The following TSNARE1 variants were observed in gnomAD, a reference collection of about 807,000 sequenced individuals.
TSNARE1 encodes t-SNARE domain-containing protein 1.
In TSNARE1, 49 loss-of-function variants were observed where a neutral mutation model predicts 62.0. The ratio of observed to expected loss-of-function variants is 0.79; its 90% CI spans 0.63 to 1.00. TSNARE1 has a LOEUF of 1.00. Ranked by LOEUF, TSNARE1 falls within the 50% of genes least tolerant of loss-of-function variation. TSNARE1 has a pLI of 0.00. For synonymous variants in TSNARE1, 328 were observed against 294.4 expected, an observed-to-expected ratio of 1.11 and a Z score of -1.17; for missense variants, 755 against 700.1, an observed-to-expected ratio of 1.08 and a Z score of -0.88.
intron 11 of TSNARE1, chr8:142,276,012 C>A: frequency 1.0e-6 from 1 of 985,442 alleles, no homozygotes; most frequent in South Asian, 4.7e-5. Context: ...CAGAAGCCCC[C>A]ACCCAGGCCT....
chr8:142,257,337 C>A (rs1331274792), intron 12 of TSNARE1, among the ~76,000 whole-genome samples: 2 of 152,178 alleles, frequency 1.3e-5, no homozygotes, highest in South Asian at 2.1e-4. Flanking sequence ...TCAGGAGGGG[C>A]CTGCGGAGGG....
chr8:142,238,596 C>G (rs1412357537), intron 12 of TSNARE1, among the ~76,000 whole-genome samples: 2 of 151,946 alleles, frequency 1.3e-5, no homozygotes, highest in African/African-American at 4.8e-5. Context: ...CCCCATTTCT[C>G]CCCTCCACGC....
chr8:142,357,059 C>T lies in TSNARE1; in HGVS notation c.-39-2296G>A, dbSNP rs1316065225. On this transcript the variant is annotated intron_variant, in intron 1 of 13. Coordinates refer to ENST00000524325, the MANE Select transcript of TSNARE1 (RefSeq NM_145003.5). Reference sequence around the variant, plus strand: ...GCGGGGGCCTCCAGAAACCAGAGCACGAAGACACCGCAGAGTCAGAGGAAA... The same window carrying T: ...GCGGGGGCCTCCAGAAACCAGAGCATGAAGACACCGCAGAGTCAGAGGAAA... Among the ~76,000 whole-genome samples, 4 of 152,000 alleles carry T rather than the reference C, an allele frequency of 2.6e-5. No homozygotes were observed. The East Asian group carries it at 5.8e-4, about 22-fold the overall frequency.
chr8:142,316,374 C>T (rs1828528937), intron 7 of TSNARE1, among the ~76,000 whole-genome samples: 1 of 151,798 alleles, frequency 6.6e-6, no homozygotes, highest in Non-Finnish European at 1.5e-5. Context: ...CACAAAGCTC[C>T]CAGTGTTCCT....
chr8:142,391,207 G>A (rs1484204025), intron 1 of TSNARE1, among the ~76,000 whole-genome samples: 1 of 142,736 alleles, frequency 7.0e-6, no homozygotes, highest in Admixed American at 7.0e-5. Flanking sequence ...TGTAACAGAC[G>A]CTGTACACTG....
At chr8:142,313,575 G>A (rs1257757441) in intron 9 of TSNARE1, among the ~76,000 whole-genome samples, 2 of 152,048 alleles carry the variant, frequency 1.3e-5, no homozygotes, top group Non-Finnish European at 1.5e-5. Context: ...CTGCGCATCT[G>A]TGTTTATCTG....
intron 9 of TSNARE1, among the ~76,000 whole-genome samples, chr8:142,304,199 G>A (rs1826262649): frequency 6.6e-6 from 1 of 152,272 alleles, no homozygotes; most frequent in Non-Finnish European, 1.5e-5. Context: ...CCTTCCTGGA[G>A]TGGGCGGGAG....
intron 11 of TSNARE1, chr8:142,277,414 C>T (rs191166815): frequency 1.0e-5 from 10 of 985,436 alleles, no homozygotes; most frequent in African/African-American, 3.5e-5. Flanking sequence ...TGGGTCAACT[C>T]GCTGCCCCCA....
At chr8:142,280,546 G>A (rs531713794) in intron 11 of TSNARE1, among the ~76,000 whole-genome samples, 51 of 152,244 alleles carry the variant, frequency 3.3e-4, no homozygotes, top group Non-Finnish European at 5.4e-4. Flanking sequence ...TGCCCTCCCC[G>A]GAGCCCTGAC....
At position 142,344,416 on chromosome 8, in the gene TSNARE1, T is replaced by G; in HGVS notation, c.295A>C (p.Ile99Leu). The stretch of plus-strand genomic sequence containing the variant: ...GCAGCCGAGTCCTTCCTCGGGCCAA[T>G]GGTGGGTGATGAGGTGGGCTCCGGC... ...RMPEPTSSPT[I>L]GPRKDSAAGP... Residue 99 changes from isoleucine to leucine, a missense_variant, in exon 4 of 14, where the codon ATT (isoleucine) becomes CTT (leucine). By Grantham distance (5) the Ile-to-Leu change is conservative. Coordinates refer to ENST00000524325, the MANE Select transcript of TSNARE1 (RefSeq NM_145003.5). The G allele has an allele frequency of 6.3e-7, 1 of 1,588,472 alleles. No homozygotes were observed. The highest frequency in any genetic ancestry group is 8.6e-7 in the Non-Finnish European group (1 of 1,168,548).
intron 11 of TSNARE1, chr8:142,277,056 G>A: frequency 1.0e-6 from 1 of 985,414 alleles, no homozygotes; most frequent in Non-Finnish European, 1.2e-6. Context: ...TGGGACCTGT[G>A]GTACTGAGCG....
intron 12 of TSNARE1, among the ~76,000 whole-genome samples, chr8:142,257,481 G>A (rs1229274328): frequency 6.6e-6 from 1 of 152,066 alleles, no homozygotes. Flanking sequence ...AGGAGACTCT[G>A]GGAGCCTCCT....
chr8:142,325,445 G>A (rs1033792361), intron 6 of TSNARE1, among the ~76,000 whole-genome samples: 2 of 152,228 alleles, frequency 1.3e-5, no homozygotes, highest in African/African-American at 4.8e-5. Flanking sequence ...AGGCCAAGAG[G>A]AGACAGTGCA....
intron 1 of TSNARE1, among the ~76,000 whole-genome samples, chr8:142,358,499 G>A (rs1425274740): frequency 6.6e-6 from 1 of 151,908 alleles, no homozygotes; most frequent in Non-Finnish European, 1.5e-5. Flanking sequence ...CAGGCACATG[G>A]AGGGGAGTGA....
intron 12 of TSNARE1, among the ~76,000 whole-genome samples, chr8:142,256,402 A>ACT (rs1818574419): frequency 4.1e-5 from 5 of 122,680 alleles, no homozygotes; most frequent in Admixed American, 8.1e-5. Context: ...TACCACCAGC[A>ACT]GCAACCACCA....
chr8:142,223,279 CT>C lies in TSNARE1; in HGVS notation c.*11+6193del, dbSNP rs1563757176. ...ATTCACTCACTCACTCATTCAGTCA[CT>C]CACTCATACTCACTCAACCACTCAC... On this transcript the variant is annotated intron_variant, in intron 13 of 13. Coordinates refer to ENST00000524325, the MANE Select transcript of TSNARE1 (RefSeq NM_145003.5). Among the ~76,000 whole-genome samples the C allele has an allele frequency of 2.1e-3, 278 of 129,448 alleles. 9 individuals are homozygous for C. The highest frequency in any genetic ancestry group is 0.012 in the East Asian group (49 of 4,224). The allele number at this position is 129,448 out of a possible 152,430, so 84.9% of individuals were successfully genotyped here. A position where few individuals can be genotyped will look rare whatever the true frequency, so the allele number is the denominator to read the frequency against.
chr8:142,265,784 G>A (rs970403456), intron 12 of TSNARE1, among the ~76,000 whole-genome samples: 3 of 152,302 alleles, frequency 2.0e-5, no homozygotes, highest in Middle Eastern at 3.4e-3. Context: ...CAGTGGCATC[G>A]CGGTGTGGGC....
At chr8:142,379,402 C>A (rs1445177042) in intron 1 of TSNARE1, among the ~76,000 whole-genome samples, 11 of 152,210 alleles carry the variant, frequency 7.2e-5, no homozygotes, top group Admixed American at 7.2e-4. Flanking sequence ...GGGGGATGAG[C>A]CGCACGCTGG....
At chr8:142,274,138 T>A in intron 12 of TSNARE1, 1 of 985,376 alleles carries the variant, frequency 1.0e-6, no homozygotes. Context: ...CAGGCTCTGG[T>A]CATCTCTGCC....
Sources: gnomAD v4.1 joint callset for allele counts (sites outside exome capture counted in the v4.1 genomes callset) on GRCh38, gnomAD v4.1.1 for gene constraint, MANE v1.5 for transcripts, NCBI Gene and HGNC (gene_info 2026-07-23, HGNC 2026-07-21) for gene names.